The following CDH11 variants were observed in gnomAD, a reference collection of about 807,000 sequenced individuals.
CDH11 encodes the protein cadherin-11.
A neutral mutation model predicts 67.8 loss-of-function variants in CDH11; 11 were observed. The ratio of observed to expected loss-of-function variants is 0.16; its 90% CI spans 0.10 to 0.27. The LOEUF (loss-of-function observed/expected upper bound fraction) is 0.27, where lower values mean the gene tolerates loss of function less well. Among genes scored for constraint, CDH11 ranks in the 10% least tolerant of loss-of-function variants. The pLI is 1.00. For synonymous variants in CDH11, 419 were observed against 400.0 expected (o/e 1.05, Z -0.57); for missense variants, 847 against 1,031.2 (o/e 0.82, Z 2.45).
intron 11 of CDH11, among the ~76,000 whole-genome samples, chr16:64,965,790 AC>A (rs2071807105): frequency 1.4e-5 from 1 of 73,738 alleles, no homozygotes; most frequent in Non-Finnish European, 3.4e-5. Context: ...ACACACACAC[AC>A]ACACACACAC....
intron 2 of CDH11, among the ~76,000 whole-genome samples, chr16:65,052,068 G>T (rs2074065202): frequency 2.0e-5 from 3 of 152,180 alleles, no homozygotes; most frequent in Admixed American, 2.0e-4. Context: ...CATATAGTAA[G>T]CATGCAAAAC....
chr16:65,040,577 G>T (rs1180138507), intron 2 of CDH11, among the ~76,000 whole-genome samples: 3 of 151,892 alleles, frequency 2.0e-5, no homozygotes, highest in African/African-American at 7.3e-5. Flanking sequence ...GAGGAGGGAG[G>T]GATGGCATTA....
chr16:65,114,088 A>C, intron 1 of CDH11, among the ~76,000 whole-genome samples: 1 of 152,182 alleles, frequency 6.6e-6, no homozygotes, highest in East Asian at 1.9e-4. Context: ...TTCTTCATTA[A>C]AATGGAGTGC....
At chr16:64,965,219 A>C (rs1444718848) in intron 11 of CDH11, among the ~76,000 whole-genome samples, 1 of 149,066 alleles carries the variant, frequency 6.7e-6, no homozygotes, top group Admixed American at 6.7e-5. Context: ...AAAAAAAAAA[A>C]AAAAAAAAAA....
chr16:64,976,372 C>T (rs2072166220), intron 8 of CDH11, among the ~76,000 whole-genome samples: 1 of 151,460 alleles, frequency 6.6e-6, no homozygotes, highest in South Asian at 2.1e-4. Context: ...AAATTCTGAA[C>T]AAAAATGTGT....
intron 1 of CDH11, among the ~76,000 whole-genome samples, chr16:65,068,087 GAAGA>G (rs1286954436): frequency 9.7e-6 from 1 of 102,972 alleles, no homozygotes; most frequent in Non-Finnish European, 2.0e-5. Flanking sequence ...AGGAGAGAGA[GAAGA>G]AAGAAAGGCG....
At chr16:64,958,767 A>G (rs2071591562) in intron 11 of CDH11, among the ~76,000 whole-genome samples, 1 of 152,194 alleles carries the variant, frequency 6.6e-6, no homozygotes, top group Admixed American at 6.5e-5. Context: ...GCCTATAATT[A>G]GACAAAAAAA....
intron 2 of CDH11, among the ~76,000 whole-genome samples, chr16:65,018,653 A>T (rs2073362971): frequency 6.6e-6 from 1 of 152,234 alleles, no homozygotes; most frequent in African/African-American, 2.4e-5. Flanking sequence ...TGTTTTAAGC[A>T]AAAAGTCATA....
chr16:64,950,410 T>C (rs1165339450), intron 12 of CDH11, among the ~76,000 whole-genome samples: 2 of 152,096 alleles, frequency 1.3e-5, no homozygotes, highest in Non-Finnish European at 2.9e-5. Context: ...TAATACACCA[T>C]GTTTCTGCCC....
rs751962998 is a variant in CDH11, at chr16:64,971,630, G to C, written c.1591C>G (p.Leu531Val). Reference sequence around the variant, plus strand: ...GGATTGTGAATGATTTCAGGGGGTAGGCTGAAGATAAATCTTGGTCCATTG... The same window carrying C: ...GGATTGTGAATGATTTCAGGGGGTACGCTGAAGATAAATCTTGGTCCATTG... ...TANGPRFIFS[L>V]PPEIIHNPNF... is the part of the protein sequence containing the mutation. The change falls in exon 11 of 13, where the codon CTA becomes GTA. Residue 531 changes from leucine (L) to valine (V), a missense_variant. By Grantham distance (32) the Leu-to-Val change is conservative. This residue lies in a region of CDH11 where 612 missense variants were observed against 678.7 expected (regional missense o/e 0.90). Transcript: ENST00000268603. 2.5e-6 allele frequency: 4 copies of C among 1,613,670 alleles called. No homozygotes were observed. Among genetic ancestry groups the C allele is most frequent in the Non-Finnish European group, 3.4e-6 (4 of 1,179,832 alleles).
intron 1 of CDH11, among the ~76,000 whole-genome samples, chr16:65,086,476 T>C (rs1327557424): frequency 6.6e-6 from 1 of 152,216 alleles, no homozygotes; most frequent in Non-Finnish European, 1.5e-5. Flanking sequence ...TCCGCCTCTG[T>C]TGTCTCTGTG....
intron 2 of CDH11, among the ~76,000 whole-genome samples, chr16:65,039,544 T>C (rs1240843905): frequency 6.6e-6 from 1 of 152,186 alleles, no homozygotes; most frequent in Non-Finnish European, 1.5e-5. Context: ...TCCTTACACC[T>C]TCTACAGAAA....
intron 2 of CDH11, among the ~76,000 whole-genome samples, chr16:65,029,606 T>A (rs1309489016): frequency 6.6e-6 from 1 of 152,212 alleles, no homozygotes. Context: ...AATTCTTTCA[T>A]TTATAACTTG....
At chr16:65,116,658 A>G (rs900288146) in intron 1 of CDH11, among the ~76,000 whole-genome samples, 2 of 152,172 alleles carry the variant, frequency 1.3e-5, no homozygotes, top group Admixed American at 6.5e-5. Context: ...AAAACACAGA[A>G]TAAGACCTTG....
chr16:64,965,274 T>A (rs2071785611), intron 11 of CDH11, among the ~76,000 whole-genome samples: 1 of 148,732 alleles, frequency 6.7e-6, no homozygotes, highest in African/African-American at 2.5e-5. Context: ...CCCAGCTACC[T>A]GGGAGTCTGA....
intron 12 of CDH11, chr16:64,948,770 C>T (rs995667577): frequency 3.1e-6 from 5 of 1,599,506 alleles, no homozygotes; most frequent in Non-Finnish European, 4.3e-6. Context: ...GAGGGGGGTT[C>T]CATTAAGCTT....
intron 11 of CDH11, among the ~76,000 whole-genome samples, chr16:64,963,324 G>C (rs1245174657): frequency 6.6e-6 from 1 of 152,064 alleles, no homozygotes; most frequent in African/African-American, 2.4e-5. Context: ...GCCTTCAAAG[G>C]GCTCCTTAGT....
rs764349192 is a variant in CDH11, at chr16:64,971,625, G to A, written c.1596C>T (p.Pro532=). 2.5e-6 allele frequency: 4 copies of A among 1,613,690 alleles called. No homozygotes were observed. In the South Asian group the frequency reaches 4.4e-5, roughly 18 times the overall value. The change falls in exon 11 of 13, where the codon CCC becomes CCT. Residue 532 remains proline (P), a synonymous_variant. Transcript: ENST00000268603. ...AATTTGGATTGTGAATGATTTCAGGGGGTAGGCTGAAGATAAATCTTGGTC... is the reference window on the plus strand; with the variant it reads ...AATTTGGATTGTGAATGATTTCAGGAGGTAGGCTGAAGATAAATCTTGGTC... ...ANGPRFIFSL[P]PEIIHNPNFT... is the part of the protein sequence containing the mutation.
At chr16:64,964,570 A>T (rs2071758316) in intron 11 of CDH11, among the ~76,000 whole-genome samples, 2 of 151,412 alleles carry the variant, frequency 1.3e-5, no homozygotes, top group Admixed American at 1.3e-4. Flanking sequence ...TTATTTTGAG[A>T]CGGAGTCTTG....
Sources: gnomAD v4.1 joint callset for allele counts (sites outside exome capture counted in the v4.1 genomes callset) on GRCh38, gnomAD v4.1.1 for gene constraint, gnomAD v4.1.1 regional missense constraint, MANE v1.5 for transcripts, NCBI Gene and HGNC (gene_info 2026-07-23, HGNC 2026-07-21) for gene names.